Variants in MACF1 observed in about 807,000 individuals in gnomAD.
MACF1 encodes the protein microtubule actin crosslinking factor 1, also known as microtubule-actin cross-linking factor 1.
A neutral mutation model predicts 854.8 loss-of-function variants in MACF1; 193 were observed. That is an observed-to-expected ratio of 0.23 (90% CI 0.20 to 0.25). The LOEUF (loss-of-function observed/expected upper bound fraction) is 0.25. Ranked by LOEUF, MACF1 falls within the 10% of genes least tolerant of loss-of-function variation. The pLI is 1.00. For synonymous variants in MACF1, 3,185 were observed against 3,226.7 expected, an observed-to-expected ratio of 0.99 and a Z score of 0.44; for missense variants, 7,722 against 8,929.1, an observed-to-expected ratio of 0.86 and a Z score of 5.45.
Position 39,441,937 on chromosome 1 carries a change from T to C in MACF1, c.18673-15T>C. On this transcript the variant is annotated splice_polypyrimidine_tract_variant and intron_variant, in intron 74 of 100. Coordinates refer to ENST00000564288, the MANE Select transcript of MACF1 (RefSeq NM_001394062.1). Reference sequence around the variant, plus strand: ...TTCTGGTTGTTTTTGACTGTTTACTTGTCTTTTGTTCTAGGCTATGTTTGA... The same window carrying C: ...TTCTGGTTGTTTTTGACTGTTTACTCGTCTTTTGTTCTAGGCTATGTTTGA... 1 of 1,600,638 alleles carries C rather than the reference T, an allele frequency of 6.2e-7. No homozygotes were observed.
rs79847802 is a variant in MACF1 at position 39,353,067 on chromosome 1, G to A, written c.11260G>A (p.Val3754Ile). Residue 3754 changes from valine to isoleucine, a missense_variant, in exon 44 of 101, where the codon GTA becomes ATA. Coordinates refer to ENST00000564288, the MANE Select transcript of MACF1 (RefSeq NM_001394062.1). Reference protein sequence around the residue: ...KKKIDALLDWVTSVGSSGGQL... With the variant: ...KKKIDALLDWITSVGSSGGQL... ...GAAGATCGATGCTCTCCTGGATTGGGTAACTTCAGTAGGATCATCTGGTGG... is the reference window on the plus strand; with the variant it reads ...GAAGATCGATGCTCTCCTGGATTGGATAACTTCAGTAGGATCATCTGGTGG... 878 of 1,614,086 alleles carry A rather than the reference G, an allele frequency of 5.4e-4. 6 individuals carry two copies. The African/African-American group carries it at 0.011, about 19-fold the overall frequency.
chr1:39,426,634 G>T (rs746204842), intron 61 of MACF1, among the ~76,000 whole-genome samples: 2 of 152,102 alleles, frequency 1.3e-5, no homozygotes, highest in African/African-American at 4.8e-5. Context: ...ACTTTGGAAA[G>T]TACATCTCTT....
intron 43 of MACF1, among the ~76,000 whole-genome samples, chr1:39,352,367 T>C (rs1362719372): frequency 6.6e-6 from 1 of 152,200 alleles, no homozygotes; most frequent in Non-Finnish European, 1.5e-5. Flanking sequence ...TTGTCTTTCC[T>C]TTAGGAAAGA....
At position 39,334,373 on chromosome 1, in the gene MACF1, G is replaced by A. The variant is rs753802953; in HGVS notation, c.7785G>A (p.Leu2595=). The change falls in exon 37 of 101, where the codon TTG becomes TTA. Residue 2595 remains leucine (L), a synonymous_variant. Transcript: ENST00000564288. ...VDLISGQRLT[L]AEAKKEGLLT... ...TCATTTCTGGTCAGAGATTGACCTTGGCAGAAGCTAAAAAAGAAGGACTGT... is the reference window on the plus strand; with the variant it reads ...TCATTTCTGGTCAGAGATTGACCTTAGCAGAAGCTAAAAAAGAAGGACTGT... The A allele has an allele frequency of 6.2e-7, 1 of 1,614,000 alleles. No individual in the cohort carries two copies. The highest frequency in any genetic ancestry group is 1.1e-5 in the South Asian group (1 of 91,076).
intron 2 of MACF1, among the ~76,000 whole-genome samples, chr1:39,085,129 C>T (rs1269159708): frequency 6.6e-6 from 1 of 152,126 alleles, no homozygotes; most frequent in African/African-American, 2.4e-5. Context: ...GGTGCTGGAT[C>T]GTGGCCCTGC....
chr1:39,123,712 G>A (rs868492758), intron 2 of MACF1, among the ~76,000 whole-genome samples: 4,004 of 77,250 alleles, frequency 0.052, 181 homozygotes, highest in Middle Eastern at 0.074. Context: ...GCTAATTCTT[G>A]TTTTGTTTTT....
chr1:39,480,944 T>G lies in MACF1; in HGVS notation c.22195T>G (p.Tyr7399Asp). 6.4e-7 allele frequency: 1 copy of G among 1,550,660 alleles called. No homozygotes were observed. Among genetic ancestry groups the G allele is most frequent in the South Asian group, 1.2e-5 (1 of 84,042 alleles). ...TKTSLQFSRC[Y>D]DKPWLVNSKA... is the part of the protein sequence containing the mutation. ...GACTTCACTTCAGTTCTCTCGCTGT[T>G]ATGACAAACCCTGGTTGGTAAACAG... The change falls in exon 99 of 101, where the codon TAT becomes GAT. Residue 7399 changes from tyrosine (Y) to aspartate (D), a missense_variant. By Grantham distance (160) the Tyr-to-Asp change is radical. This residue lies in a region of MACF1 where 185 missense variants were observed against 225.7 expected (regional missense o/e 0.82). Transcript: ENST00000564288.
chr1:39,428,348 G>A lies in MACF1; in HGVS notation c.16803+61G>A, dbSNP rs1242002035. The A allele has an allele frequency of 4.2e-6, 6 of 1,422,970 alleles. No homozygotes were observed. In the East Asian group the frequency reaches 1.5e-4, roughly 36 times the overall value. The allele number at this position is 1,422,970 out of a possible 1,614,324, so 88.1% of individuals were successfully genotyped here. The stretch of plus-strand genomic sequence containing the variant: ...CTGTTATTTTGTTATTTTGATTCAT[G>A]TTTCTCTTCATTTATTTTTTTTTCT... On this transcript the variant is annotated intron_variant, in intron 63 of 100. Coordinates refer to ENST00000564288, the MANE Select transcript of MACF1 (RefSeq NM_001394062.1).
At chr1:39,156,729 G>GT (rs1196623548) in intron 2 of MACF1, among the ~76,000 whole-genome samples, 2 of 152,164 alleles carry the variant, frequency 1.3e-5, no homozygotes, top group African/African-American at 4.8e-5. Context: ...CTATATTTGT[G>GT]TTTTTTACTA....
rs768105830 is a variant in MACF1 at position 39,465,104 on chromosome 1, G to A, written c.21763G>A (p.Gly7255Ser). Residue 7255 changes from glycine to serine, a missense_variant, in exon 95 of 101, where the codon GGC becomes AGC. Around this residue, in one of 15 missense-constraint regions of MACF1, gnomAD observed 153 missense variants for 342.5 expected, o/e 0.45. Transcript: ENST00000564288. ...TCTTTACTGTCTATAGTTCTTCCTC[G>A]GCAATCAGGTACAGTGTGCCTTGCA... Reference protein sequence around the residue: ...IGENKYRFFLGNQFGDSQQLR... With the variant: ...IGENKYRFFLSNQFGDSQQLR... 3.7e-6 allele frequency: 6 copies of A among 1,612,296 alleles called. No homozygotes were observed. The highest frequency in any genetic ancestry group is 2.2e-5 in the East Asian group (1 of 44,874).
At chr1:39,208,546 C>T (rs938725871) in intron 1 of MACF1, among the ~76,000 whole-genome samples, 1 of 152,086 alleles carries the variant, frequency 6.6e-6, no homozygotes, top group Non-Finnish European at 1.5e-5. Context: ...TTCTGCCATC[C>T]GGGTTCAAGC....
chr1:39,469,360 C>A (rs1305085892), intron 96 of MACF1, among the ~76,000 whole-genome samples, 187 bp from the exon 97 acceptor site: 2 of 152,166 alleles, frequency 1.3e-5, no homozygotes, highest in Non-Finnish European at 2.9e-5. Flanking sequence ...GGGACTGCAA[C>A]AGGGAAGAGA....
In MACF1 at chr1:39,133,188, G is replaced by A. The variant is rs572002971; in HGVS notation, c.220+48750G>A. Among the ~76,000 whole-genome samples, 67 of 152,284 alleles carry A rather than the reference G, an allele frequency of 4.4e-4. 1 individual carries two copies. In the South Asian group the frequency reaches 0.013, roughly 30 times the overall value. ...TTCCTGTCCTCTGTCCTCACTAGCCGACTTGGCTGCTTCCACCCTGGGGCT... is the reference window on the plus strand; with the variant it reads ...TTCCTGTCCTCTGTCCTCACTAGCCAACTTGGCTGCTTCCACCCTGGGGCT... On this transcript the variant is annotated intron_variant, in intron 2 of 93. Coordinates refer to the MACF1 transcript ENST00000361689.
intron 99 of MACF1, among the ~76,000 whole-genome samples, chr1:39,483,653 G>A (rs1267086765): frequency 2.0e-5 from 3 of 152,186 alleles, no homozygotes; most frequent in Non-Finnish European, 4.4e-5. Context: ...AAAGACACAG[G>A]TGTTAATTTC....
intron 2 of MACF1, among the ~76,000 whole-genome samples, chr1:39,111,084 T>C (rs189466830): frequency 6.6e-6 from 1 of 152,326 alleles, no homozygotes; most frequent in African/African-American, 2.4e-5. Context: ...TATGGAATGC[T>C]AGAGCTCCTG....
chr1:39,284,938 T>TA, intron 11 of MACF1, 145 bp from the exon 12 acceptor site: 1 of 1,110,426 alleles, frequency 9.0e-7, no homozygotes, highest in Non-Finnish European at 1.3e-6. Context: ...ACCTGATACA[T>TA]ATTTGATTGT....
intron 15 of MACF1, among the ~76,000 whole-genome samples, chr1:39,291,302 G>C (rs181587754): frequency 2.0e-5 from 3 of 152,150 alleles, no homozygotes; most frequent in Admixed American, 2.0e-4. Context: ...TTTAAGCAAG[G>C]CTACTGTATT....
intron 2 of MACF1, among the ~76,000 whole-genome samples, chr1:39,167,886 A>G (rs1247177022): frequency 4.1e-5 from 5 of 120,616 alleles, no homozygotes; most frequent in African/African-American, 6.7e-5. Context: ...AAAAAAAAAA[A>G]AGAGAGAGAG....
At chr1:39,436,802 C>T (rs1218573289) in intron 70 of MACF1, among the ~76,000 whole-genome samples, 2 of 152,170 alleles carry the variant, frequency 1.3e-5, no homozygotes, top group East Asian at 3.8e-4. Flanking sequence ...TCTCTCCTCT[C>T]TGCATCAAAT....
Sources: allele counts gnomAD v4.1 joint callset (sites outside exome capture counted in the v4.1 genomes callset), GRCh38; gene constraint gnomAD v4.1.1; regional missense constraint gnomAD v4.1.1; transcripts MANE v1.5; gene names NCBI Gene and HGNC (gene_info 2026-07-23, HGNC 2026-07-21).